The following PDE4D variants were observed in gnomAD, a reference collection of about 807,000 sequenced individuals.
PDE4D encodes the protein phosphodiesterase 4D.
PDE4D carries 24 observed loss-of-function variants against 87.4 expected under a neutral mutation model. That is an observed-to-expected ratio of 0.27 (90% CI 0.20 to 0.39). The LOEUF (loss-of-function observed/expected upper bound fraction) is 0.39. Among genes scored for constraint, PDE4D ranks in the 10% least tolerant of loss-of-function variants. The probability of loss-of-function intolerance (pLI) is 1.00; values close to 1 mark genes in which losing one functional copy is unlikely to be tolerated. For synonymous variants in PDE4D, 384 were observed against 383.2 expected (o/e 1.00, Z -0.02); for missense variants, 714 against 1,041.0 (o/e 0.69, Z 4.32).
intron 5 of PDE4D, among the ~76,000 whole-genome samples, chr5:59,043,981 G>A (rs1233754238): frequency 3.3e-5 from 5 of 152,256 alleles, no homozygotes. Flanking sequence ...TTGGTTCCAA[G>A]TCTTTGCTAT....
At position 59,225,823 on chromosome 5, in the gene PDE4D, C is replaced by T. The variant is rs148611310; in HGVS notation, c.456-9855G>A. Among the ~76,000 whole-genome samples the T allele has an allele frequency of 1.3e-3, 194 of 149,276 alleles. 1 individual carries two copies. Among genetic ancestry groups the T allele is most frequent in the African/African-American group, 4.6e-3 (187 of 40,468 alleles). ...AAACCCCCCCAAAACCCAATTGAAA[C>T]CCCTCAAAATTAAAAAAACCCAATG... is the stretch of plus-strand genomic sequence containing the variant. On this transcript the variant is annotated intron_variant, in intron 1 of 14. Transcript: ENST00000340635.
At chr5:60,095,934 G>A (rs181342168) in intron 2 of PDE4D, among the ~76,000 whole-genome samples, 22 of 151,916 alleles carry the variant, frequency 1.4e-4, no homozygotes, top group Non-Finnish European at 1.5e-4. Flanking sequence ...CTTTTTAATG[G>A]GGTTCTTTGT....
At chr5:60,308,729 T>C (rs1004639109) in intron 1 of PDE4D, among the ~76,000 whole-genome samples, 13 of 152,218 alleles carry the variant, frequency 8.5e-5, no homozygotes, top group Admixed American at 4.6e-4. Flanking sequence ...AAATTGCATC[T>C]GTAGTTTTCA....
chr5:60,287,901 A>T (rs577648648), intron 1 of PDE4D, among the ~76,000 whole-genome samples: 1 of 152,216 alleles, frequency 6.6e-6, no homozygotes, highest in Non-Finnish European at 1.5e-5. Flanking sequence ...GAGGTACCTG[A>T]TGCTAACATG....
intron 5 of PDE4D, among the ~76,000 whole-genome samples, chr5:59,053,645 G>GTT (rs1338731940): frequency 0.012 from 842 of 68,524 alleles, 35 homozygotes; most frequent in East Asian, 0.027. Context: ...TTTGTTTTTT[G>GTT]TTTTTTTTTG....
chr5:59,914,919 G>A (rs967275535), intron 3 of PDE4D, among the ~76,000 whole-genome samples: 1 of 146,834 alleles, frequency 6.8e-6, no homozygotes, highest in Non-Finnish European at 1.5e-5. Flanking sequence ...GTGTATGTGT[G>A]TAAAAGGAAA....
chr5:60,134,456 A>C (rs919037367), intron 2 of PDE4D, among the ~76,000 whole-genome samples: 2 of 152,172 alleles, frequency 1.3e-5, no homozygotes, highest in East Asian at 3.9e-4. Flanking sequence ...ACTGAGCTAC[A>C]ATCACACCAC....
intron 1 of PDE4D, among the ~76,000 whole-genome samples, chr5:60,326,973 T>C (rs1756853464): frequency 6.6e-6 from 1 of 152,142 alleles, no homozygotes; most frequent in Non-Finnish European, 1.5e-5. Context: ...AGAAGCTTCC[T>C]AACTCCCTAA....
intron 5 of PDE4D, among the ~76,000 whole-genome samples, chr5:59,178,563 T>C (rs910208077): frequency 1.3e-5 from 2 of 152,150 alleles, no homozygotes; most frequent in African/African-American, 2.4e-5. Flanking sequence ...TGTGTGCCCT[T>C]TGAGTGTAGC....
intron 2 of PDE4D, among the ~76,000 whole-genome samples, chr5:60,069,317 C>T (rs1310833901): frequency 6.6e-6 from 1 of 152,168 alleles, no homozygotes; most frequent in African/African-American, 2.4e-5. Flanking sequence ...GAATGCTTCA[C>T]CTTTCCACCA....
chr5:60,265,097 T>C (rs2149711018), intron 1 of PDE4D, among the ~76,000 whole-genome samples: 1 of 152,252 alleles, frequency 6.6e-6, no homozygotes, highest in Middle Eastern at 3.4e-3. Context: ...TTTACCCCAT[T>C]GGTGAGGGAG....
At chr5:59,484,865 TTC>T (rs1804843234) in intron 1 of PDE4D, among the ~76,000 whole-genome samples, 1 of 151,804 alleles carries the variant, frequency 6.6e-6, no homozygotes, top group African/African-American at 2.4e-5. Context: ...AACTCTGAAT[TTC>T]TCTGAGAGTT....
At chr5:60,214,076 C>A (rs1338276611) in intron 1 of PDE4D, among the ~76,000 whole-genome samples, 1 of 152,144 alleles carries the variant, frequency 6.6e-6, no homozygotes, top group Non-Finnish European at 1.5e-5. Flanking sequence ...ATTGCAGACG[C>A]TCAACTTCCA....
At chr5:59,714,406 G>T (rs1462219124) in intron 1 of PDE4D, among the ~76,000 whole-genome samples, 1 of 152,188 alleles carries the variant, frequency 6.6e-6, no homozygotes, top group Non-Finnish European at 1.5e-5. Context: ...TAGGGAACTG[G>T]CTGAGGTGCC....
chr5:60,076,263 A>T (rs938684018), intron 2 of PDE4D, among the ~76,000 whole-genome samples: 1 of 151,684 alleles, frequency 6.6e-6, no homozygotes, highest in Non-Finnish European at 1.5e-5. Flanking sequence ...TGTTCACGCC[A>T]TTCTCCTGCC....
intron 1 of PDE4D, among the ~76,000 whole-genome samples, chr5:59,412,153 T>G (rs531371209): frequency 6.6e-6 from 1 of 152,210 alleles, no homozygotes; most frequent in African/African-American, 2.4e-5. Flanking sequence ...AACTCCTTAA[T>G]GGTGGTTATT....
chr5:59,364,344 T>C (rs913724262), intron 1 of PDE4D, among the ~76,000 whole-genome samples: 1 of 151,932 alleles, frequency 6.6e-6, no homozygotes, highest in Non-Finnish European at 1.5e-5. Flanking sequence ...AACTTTAGCT[T>C]ACCTCTAAAT....
At chr5:59,829,643 C>A (rs1213874705) in intron 1 of PDE4D, among the ~76,000 whole-genome samples, 1 of 152,044 alleles carries the variant, frequency 6.6e-6, no homozygotes, top group Non-Finnish European at 1.5e-5. Context: ...CATAAAAATT[C>A]ATTAGTAAGA....
intron 1 of PDE4D, among the ~76,000 whole-genome samples, chr5:59,437,988 G>T (rs1797026335): frequency 6.6e-6 from 1 of 152,120 alleles, no homozygotes; most frequent in African/African-American, 2.4e-5. Flanking sequence ...AGTGCCAGCA[G>T]GGGAAACACT....
Sources: gnomAD v4.1 joint callset for allele counts (sites outside exome capture counted in the v4.1 genomes callset) on GRCh38, gnomAD v4.1.1 for gene constraint, MANE v1.5 for transcripts, NCBI Gene and HGNC (gene_info 2026-07-23, HGNC 2026-07-21) for gene names.